Variants in LDLRAD4 observed in about 807,000 individuals in gnomAD.
LDLRAD4 encodes low-density lipoprotein receptor class A domain-containing protein 4.
A neutral mutation model predicts 17.0 loss-of-function variants in LDLRAD4; 5 were observed. The ratio of observed to expected loss-of-function variants is 0.29; its 90% confidence interval spans 0.15 to 0.62. The LOEUF is 0.62. Among genes scored for constraint, LDLRAD4 ranks in the 20% least tolerant of loss-of-function variants. The pLI is 0.84. For synonymous variants in LDLRAD4, 168 were observed against 171.8 expected, an observed-to-expected ratio of 0.98 and a Z score of 0.17; for missense variants, 340 against 424.7, an observed-to-expected ratio of 0.80 and a Z score of 1.75.
chr18:13,604,405 CA>C (rs2095199343), intron 3 of LDLRAD4, among the ~76,000 whole-genome samples: 1 of 152,204 alleles, frequency 6.6e-6, no homozygotes, highest in African/African-American at 2.4e-5. Flanking sequence ...CCATCATGAG[CA>C]CCACCTATGT....
At chr18:13,473,636 C>CATTCATATAT (rs1555701379) in intron 3 of LDLRAD4, among the ~76,000 whole-genome samples, 1 of 28,780 alleles carries the variant, frequency 3.5e-5, no homozygotes, top group African/African-American at 1.7e-4. Context: ...GATCCCATCT[C>CATTCATATAT]ATATATATAT....
At chr18:13,328,877 A>AATTT (rs1420310301) in intron 1 of LDLRAD4, among the ~76,000 whole-genome samples, 1 of 152,216 alleles carries the variant, frequency 6.6e-6, no homozygotes, top group African/African-American at 2.4e-5. Flanking sequence ...TTTTAAGCAT[A>AATTT]TAAAATAAAC....
chr18:13,610,095 G>A (rs571377709), intron 3 of LDLRAD4, among the ~76,000 whole-genome samples: 17 of 152,112 alleles, frequency 1.1e-4, no homozygotes, highest in African/African-American at 3.1e-4. Flanking sequence ...GCTGATGGCC[G>A]TTAAATGAAA....
intron 3 of LDLRAD4, among the ~76,000 whole-genome samples, chr18:13,580,866 GC>G (rs2094846674): frequency 6.6e-6 from 1 of 152,220 alleles, no homozygotes; most frequent in South Asian, 2.1e-4. Context: ...ACTATTAGAA[GC>G]TTGCCCTTTT....
chr18:13,422,728 A>G (rs2089603007), intron 2 of LDLRAD4, among the ~76,000 whole-genome samples: 1 of 152,174 alleles, frequency 6.6e-6, no homozygotes, highest in African/African-American at 2.4e-5. Context: ...CACCATCACC[A>G]AATTTAAAAC....
chr18:13,405,382 A>C (rs768304128), intron 2 of LDLRAD4, among the ~76,000 whole-genome samples: 2 of 152,112 alleles, frequency 1.3e-5, no homozygotes, highest in Non-Finnish European at 2.9e-5. Flanking sequence ...GTGTGATCTT[A>C]AAATGGAGAA....
At chr18:13,263,625 C>G in intron 1 of LDLRAD4, among the ~76,000 whole-genome samples, 1 of 152,198 alleles carries the variant, frequency 6.6e-6, no homozygotes, top group East Asian at 1.9e-4. Context: ...ATGCTTCACT[C>G]AACCCTCCTG....
chr18:13,540,485 G>T (rs1390771504), intron 3 of LDLRAD4, among the ~76,000 whole-genome samples: 1 of 150,946 alleles, frequency 6.6e-6, no homozygotes, highest in Non-Finnish European at 1.5e-5. Context: ...TCTTCTTCAG[G>T]TACATCCATA....
chr18:13,447,415 C>T (rs999274792), intron 3 of LDLRAD4, among the ~76,000 whole-genome samples: 2 of 150,820 alleles, frequency 1.3e-5, no homozygotes, highest in Admixed American at 6.6e-5. Context: ...CAATTAAAAT[C>T]GTGTAGGGTC....
At chr18:13,441,734 C>G (rs576700092) in intron 3 of LDLRAD4, among the ~76,000 whole-genome samples, 153 of 152,336 alleles carry the variant, frequency 1.0e-3, no homozygotes, top group African/African-American at 3.6e-3. Flanking sequence ...GCCAGCAATA[C>G]TAAGAATCAC....
chr18:13,427,398 GC>G (rs1281276843), intron 2 of LDLRAD4: 1 of 152,784 alleles, frequency 6.5e-6, no homozygotes, highest in African/African-American at 2.4e-5. Flanking sequence ...AAGGCTGGGG[GC>G]AGCCGGGCAG....
chr18:13,485,418 C>G (rs946639385), intron 3 of LDLRAD4, among the ~76,000 whole-genome samples: 4 of 152,250 alleles, frequency 2.6e-5, no homozygotes, highest in Non-Finnish European at 5.9e-5. Flanking sequence ...GGGCCTCCGC[C>G]TGCTTCCTGT....
At chr18:13,437,780 TA>T (rs1240836136) in intron 2 of LDLRAD4, among the ~76,000 whole-genome samples, 1 of 152,212 alleles carries the variant, frequency 6.6e-6, no homozygotes, top group African/African-American at 2.4e-5. Flanking sequence ...AAGTGGGAGA[TA>T]AAATGTCTGA....
intron 3 of LDLRAD4, chr18:13,542,258 A>G (rs1414603220): frequency 1.3e-5 from 2 of 152,206 alleles, no homozygotes; most frequent in Admixed American, 6.5e-5. Context: ...CTCCACTGTG[A>G]GACAGTAAAT....
chr18:13,416,491 C>T (rs2088903787), intron 2 of LDLRAD4, among the ~76,000 whole-genome samples: 1 of 152,202 alleles, frequency 6.6e-6, no homozygotes, highest in South Asian at 2.1e-4. Context: ...GGGATCACGT[C>T]TCTGCTATAG....
Position 13,316,820 on chromosome 18 carries a change from A to G in LDLRAD4, c.-383+38632A>G, listed in dbSNP as rs1180953190. The stretch of plus-strand genomic sequence containing the variant: ...TGACAGAGGAGGGAAAACTGAACCG[A>G]TAAGAAGTACTCAGTGAATCCAAAA... On this transcript the variant is annotated intron_variant, in intron 1 of 5. Coordinates refer to ENST00000359446, the Ensembl canonical transcript of LDLRAD4. Among the ~76,000 whole-genome samples, 7 of 152,342 alleles carry G rather than the reference A, an allele frequency of 4.6e-5. No individual in the cohort carries two copies. The South Asian group carries it at 1.5e-3, about 32-fold the overall frequency.
At chr18:13,357,454 C>G (rs1171997261) in intron 1 of LDLRAD4, among the ~76,000 whole-genome samples, 1 of 152,004 alleles carries the variant, frequency 6.6e-6, no homozygotes, top group African/African-American at 2.4e-5. Context: ...GACACTGGAC[C>G]TGTTGGCTCT....
chr18:13,409,283 T>C (rs1399583582), intron 2 of LDLRAD4, among the ~76,000 whole-genome samples: 1 of 152,180 alleles, frequency 6.6e-6, no homozygotes, highest in African/African-American at 2.4e-5. Context: ...GTGGGTAGGC[T>C]GCTGCCTCCC....
At chr18:13,229,068 T>A (rs1049251453) in intron 1 of LDLRAD4, among the ~76,000 whole-genome samples, 1 of 152,240 alleles carries the variant, frequency 6.6e-6, no homozygotes, top group Non-Finnish European at 1.5e-5. Context: ...GAATGGCTTC[T>A]GTTCTGCCAT....
Sources: gnomAD v4.1 joint callset for allele counts (sites outside exome capture counted in the v4.1 genomes callset) on GRCh38, gnomAD v4.1.1 for gene constraint, MANE v1.5 for transcripts, NCBI Gene and HGNC (gene_info 2026-07-23, HGNC 2026-07-21) for gene names.